Variants in TANC2 observed in about 807,000 individuals in gnomAD.
TANC2 encodes protein TANC2.
In TANC2, 26 loss-of-function variants were observed where a neutral mutation model predicts 210.5. The ratio of observed to expected loss-of-function variants is 0.12; its 90% CI spans 0.09 to 0.17. The LOEUF is 0.17. TANC2 is among the 10% of genes least tolerant of loss of function. TANC2 has a pLI of 1.00. For synonymous variants in TANC2, 931 were observed against 967.1 expected (o/e 0.96, Z 0.69); for missense variants, 2,129 against 2,608.9 (o/e 0.82, Z 4.01).
chr17:63,427,058 T>G (rs557721558), exon 28 of TANC2: 19 of 152,368 alleles, frequency 1.2e-4, no homozygotes, highest in African/African-American at 4.3e-4. Flanking sequence ...TAAGTTACAC[T>G]TCCTGTTCTG....
intron 7 of TANC2, among the ~76,000 whole-genome samples, chr17:63,221,850 A>G (rs1342979417): frequency 6.6e-6 from 1 of 152,228 alleles, no homozygotes; most frequent in African/African-American, 2.4e-5. Context: ...ATTCTTTTAT[A>G]AAGTTCAACA....
chr17:63,306,592 TAAG>T (rs2044914654), intron 9 of TANC2, among the ~76,000 whole-genome samples: 1 of 152,140 alleles, frequency 6.6e-6, no homozygotes, highest in Non-Finnish European at 1.5e-5. Context: ...TAATACGTGA[TAAG>T]AACATAAAAT....
intron 18 of TANC2, chr17:63,396,960 T>G (rs1340612567): frequency 6.7e-6 from 1 of 149,354 alleles, no homozygotes; most frequent in Non-Finnish European, 1.5e-5. Flanking sequence ...GAATCTACAA[T>G]AAAATTTGAA....
chr17:63,417,242 A>C (rs746836326), intron 26 of TANC2, among the ~76,000 whole-genome samples: 19 of 152,128 alleles, frequency 1.2e-4, no homozygotes, highest in Non-Finnish European at 2.5e-4. Context: ...TTTTTTACCT[A>C]TGCCCCAGGG....
At chr17:63,405,299 T>G (rs1176560620) in intron 20 of TANC2, 44 bp downstream of exon 20, 1 of 1,494,712 alleles carries the variant, frequency 6.7e-7, no homozygotes, top group African/African-American at 1.4e-5. Context: ...AGGACTGAGT[T>G]CTAGGTGAGG....
Position 63,184,289 on chromosome 17 carries a change from GTTAT to G in TANC2, c.434-9699_434-9696del, listed in dbSNP as rs148257255. 8.5e-3 allele frequency among the ~76,000 whole-genome samples: 1,291 copies of G among 152,052 alleles called. 16 individuals carry two copies. The highest frequency in any genetic ancestry group is 0.029 in the African/African-American group (1,182 of 41,468). The stretch of plus-strand genomic sequence containing the variant: ...AAAATATATAGCTTAAATATGTAGT[GTTAT>G]TTGTTTTTTTCATAATTCTAGACTT... On this transcript the variant is annotated intron_variant, in intron 5 of 27. Coordinates refer to ENST00000689528, the Ensembl canonical transcript of TANC2.
chr17:62,969,674 T>C (rs564359858), intron 1 of TANC2, among the ~76,000 whole-genome samples: 2 of 150,582 alleles, frequency 1.3e-5, no homozygotes, highest in South Asian at 2.1e-4. Context: ...AAAAAGTTAA[T>C]TTCAAGTAGT....
At chr17:63,195,583 C>T (rs1216769381) in intron 6 of TANC2, among the ~76,000 whole-genome samples, 1 of 152,144 alleles carries the variant, frequency 6.6e-6, no homozygotes. Context: ...GGATTTTTGC[C>T]TATTCTACCC....
chr17:63,197,863 T>G (rs993513870), intron 6 of TANC2: 20 of 152,242 alleles, frequency 1.3e-4, no homozygotes, highest in African/African-American at 4.3e-4. Context: ...GTTGTCTTTC[T>G]CTAGCTCATT....
chr17:63,001,040 A>G (rs1230617864), intron 1 of TANC2, among the ~76,000 whole-genome samples: 2 of 151,190 alleles, frequency 1.3e-5, no homozygotes, highest in Non-Finnish European at 2.9e-5. Context: ...ACCCACCAAA[A>G]TATTTTACCT....
intron 9 of TANC2, among the ~76,000 whole-genome samples, chr17:63,309,559 C>T (rs1020406239): frequency 8.6e-5 from 13 of 151,858 alleles, no homozygotes; most frequent in Admixed American, 3.3e-4. Context: ...TATATATCTG[C>T]TAAGATGAAA....
At chr17:63,044,475 A>G (rs953223477) in intron 2 of TANC2, among the ~76,000 whole-genome samples, 5 of 151,990 alleles carry the variant, frequency 3.3e-5, no homozygotes, top group Admixed American at 1.3e-4. Flanking sequence ...ATTCTATTTT[A>G]TGAGCCCATT....
intron 19 of TANC2, among the ~76,000 whole-genome samples, chr17:63,400,175 C>T (rs182483504): frequency 1.3e-5 from 2 of 152,234 alleles, no homozygotes; most frequent in African/African-American, 2.4e-5. Flanking sequence ...ACATCTCCAG[C>T]AGACCCTTTG....
chr17:63,178,260 G>A (rs936359326), intron 5 of TANC2, among the ~76,000 whole-genome samples: 6 of 152,146 alleles, frequency 3.9e-5, no homozygotes, highest in Non-Finnish European at 5.9e-5. Flanking sequence ...GTGAACCCGG[G>A]AGGCGGAGCT....
chr17:63,005,946 GAA>G (rs1445553138), intron 1 of TANC2, among the ~76,000 whole-genome samples: 2 of 136,624 alleles, frequency 1.5e-5, no homozygotes, highest in Admixed American at 7.3e-5. Flanking sequence ...GTGTGTGTGT[GAA>G]GAGTTTTGAT....
chr17:63,354,886 A>G, exon 14 of TANC2: 1 of 1,613,858 alleles, frequency 6.2e-7, no homozygotes, highest in Non-Finnish European at 8.5e-7. Context: ...CACCGGATAC[A>G]CAGCAGCTCA....
At chr17:62,990,176 C>A (rs767856729) in intron 1 of TANC2, among the ~76,000 whole-genome samples, 23 of 151,724 alleles carry the variant, frequency 1.5e-4, no homozygotes, top group Non-Finnish European at 1.9e-4. Context: ...TAGAAAATAC[C>A]AGAGGAGGGT....
In TANC2 at chr17:63,223,783, C is replaced by T. The variant is rs533236067; in HGVS notation, c.770-14031C>T. The stretch of plus-strand genomic sequence containing the variant: ...GCAAGCAGAGGTCATCTTCGTCACC[C>T]TCTTCTGATTTGGGCCATTTTCTTT... On this transcript the variant is annotated intron_variant, in intron 7 of 27. Coordinates refer to ENST00000689528, the Ensembl canonical transcript of TANC2. Among the ~76,000 whole-genome samples, 7 of 152,092 alleles carry T rather than the reference C, an allele frequency of 4.6e-5. No homozygotes were observed. In the East Asian group the frequency reaches 1.4e-3, roughly 29 times the overall value.
intron 14 of TANC2, among the ~76,000 whole-genome samples, chr17:63,373,304 C>T (rs1410912450): frequency 6.6e-6 from 1 of 152,136 alleles, no homozygotes; most frequent in African/African-American, 2.4e-5. Context: ...TACTCTTTCT[C>T]AAAATGCCAA....
Sources: gnomAD v4.1 joint callset for allele counts (sites outside exome capture counted in the v4.1 genomes callset) on GRCh38, gnomAD v4.1.1 for gene constraint, MANE v1.5 for transcripts, NCBI Gene and HGNC (gene_info 2026-07-23, HGNC 2026-07-21) for gene names.